The following ROBO1 variants were observed in gnomAD, a reference collection of about 807,000 sequenced individuals.
ROBO1 encodes the protein roundabout homolog 1.
Under a neutral mutation model 195.9 loss-of-function variants are expected in ROBO1, and 149 were observed. That is an observed-to-expected ratio of 0.76 (90% CI 0.67 to 0.87). The LOEUF (loss-of-function observed/expected upper bound fraction) is 0.87. Among genes scored for constraint, ROBO1 ranks in the 40% least tolerant of loss-of-function variants. The pLI is 0.00. For synonymous variants in ROBO1, 816 were observed against 733.2 expected, an observed-to-expected ratio of 1.11 and a Z score of -1.82; for missense variants, 1,933 against 2,068.3, an observed-to-expected ratio of 0.93 and a Z score of 1.27.
rs1327688005 is a variant in ROBO1 at position 79,372,592 on chromosome 3, CT to C, written c.88+217231del. Among the ~76,000 whole-genome samples the C allele has an allele frequency of 6.6e-5, 10 of 152,098 alleles. No individual in the cohort carries two copies. The South Asian group carries it at 1.5e-3, about 22-fold the overall frequency. ...TCTCTCTCTTTCTCTGCCTTCCCCC[CT>C]ACCCCTCAGAAAAATACATACACAC... On this transcript the variant is annotated intron_variant, in intron 2 of 30. Transcript: ENST00000464233.
chr3:79,215,784 G>C (rs2082046021), intron 2 of ROBO1, among the ~76,000 whole-genome samples: 1 of 152,130 alleles, frequency 6.6e-6, no homozygotes, highest in Admixed American at 6.6e-5. Flanking sequence ...CCCTTAAAGG[G>C]GGCTCAATTT....
intron 8 of ROBO1, among the ~76,000 whole-genome samples, chr3:78,711,354 C>T (rs11915381): frequency 0.36 from 23,210 of 63,594 alleles, 3,540 homozygotes; most frequent in East Asian, 0.42. Flanking sequence ...CTTCCTCCTT[C>T]CTTCCTTCCT....
intron 5 of ROBO1, among the ~76,000 whole-genome samples, chr3:78,743,602 A>T (rs550708812): frequency 2.9e-4 from 44 of 149,526 alleles, no homozygotes; most frequent in Non-Finnish European, 5.6e-4. Context: ...GCTATGCTAT[A>T]TGTGCTAAAA....
chr3:79,470,682 C>T (rs1938224804), intron 2 of ROBO1, among the ~76,000 whole-genome samples: 1 of 151,964 alleles, frequency 6.6e-6, no homozygotes, highest in Non-Finnish European at 1.5e-5. Context: ...GTGAATAAGT[C>T]TCAAGAGGTC....
intron 3 of ROBO1, among the ~76,000 whole-genome samples, chr3:79,106,879 T>C (rs1389884812): frequency 6.6e-6 from 1 of 151,700 alleles, no homozygotes; most frequent in Non-Finnish European, 1.5e-5. Context: ...AGTCACAAGC[T>C]ATAAATGTGT....
intron 4 of ROBO1, among the ~76,000 whole-genome samples, chr3:78,853,368 C>T (rs998300512): frequency 6.6e-6 from 1 of 150,910 alleles, no homozygotes; most frequent in Admixed American, 6.6e-5. Flanking sequence ...TGTATATATA[C>T]ATACAAATAT....
At position 78,627,748 on chromosome 3, in the gene ROBO1, T is replaced by G. The variant is rs188503302; in HGVS notation, c.3627-179A>C. On this transcript the variant is annotated intron_variant, in intron 25 of 30. Transcript: ENST00000464233. ...GGTTTGTGAATTACTGCATAAACTA[T>G]TTTTCTCTAAGGGATTGTAATTGAC... 2.8e-3 allele frequency among the ~76,000 whole-genome samples: 420 copies of G among 152,298 alleles called. 4 individuals are homozygous for G. The highest frequency in any genetic ancestry group is 9.5e-3 in the African/African-American group (396 of 41,562).
intron 8 of ROBO1, among the ~76,000 whole-genome samples, chr3:78,703,122 C>T (rs146110237): frequency 2.6e-5 from 4 of 152,142 alleles, no homozygotes; most frequent in Admixed American, 6.5e-5. Context: ...ATTCATCAGT[C>T]GTTAGGGTTA....
At chr3:79,571,076 G>A (rs984224851) in intron 2 of ROBO1, among the ~76,000 whole-genome samples, 1 of 152,092 alleles carries the variant, frequency 6.6e-6, no homozygotes, top group Non-Finnish European at 1.5e-5. Context: ...GCAGAGCTGG[G>A]TGATAATGGT....
intron 3 of ROBO1, among the ~76,000 whole-genome samples, chr3:79,011,363 A>G (rs2077771024): frequency 6.6e-6 from 1 of 152,226 alleles, no homozygotes; most frequent in Admixed American, 6.5e-5. Flanking sequence ...GTGAAAAAAG[A>G]AAATCACGTG....
At chr3:79,714,228 C>A (rs1421670964) in intron 1 of ROBO1, among the ~76,000 whole-genome samples, 2 of 151,886 alleles carry the variant, frequency 1.3e-5, no homozygotes, top group East Asian at 1.9e-4. Context: ...ATTTATGCAG[C>A]CAAAAAAACA....
chr3:79,502,601 G>C (rs917258878), intron 2 of ROBO1, among the ~76,000 whole-genome samples: 2 of 152,204 alleles, frequency 1.3e-5, no homozygotes, highest in African/African-American at 4.8e-5. Context: ...GGGCTGAGGA[G>C]TGCAGGCGCA....
At chr3:79,009,861 T>C (rs866668221) in intron 3 of ROBO1, among the ~76,000 whole-genome samples, 86 of 152,268 alleles carry the variant, frequency 5.6e-4, no homozygotes, top group Admixed American at 1.6e-3. Context: ...CTTACAGAAG[T>C]TGGATAACAG....
chr3:79,583,739 T>A (rs1943730986), intron 2 of ROBO1, among the ~76,000 whole-genome samples: 1 of 152,028 alleles, frequency 6.6e-6, no homozygotes, highest in Non-Finnish European at 1.5e-5. Context: ...AAATGATGTA[T>A]GAGAGTACTC....
At chr3:78,860,027 T>C (rs1195956769) in intron 4 of ROBO1, among the ~76,000 whole-genome samples, 16 of 149,946 alleles carry the variant, frequency 1.1e-4, no homozygotes, top group African/African-American at 2.2e-4. Context: ...TGCAGTGAGC[T>C]GAGATTGTGC....
chr3:79,487,867 T>G (rs1485035193), intron 2 of ROBO1, among the ~76,000 whole-genome samples: 8 of 152,182 alleles, frequency 5.3e-5, no homozygotes, highest in Non-Finnish European at 8.8e-5. Context: ...TATTTATATT[T>G]TTTCCCTAGA....
chr3:78,974,715 T>C (rs2076848173), intron 3 of ROBO1, among the ~76,000 whole-genome samples: 1 of 152,142 alleles, frequency 6.6e-6, no homozygotes, highest in Non-Finnish European at 1.5e-5. Flanking sequence ...TCTAATGGTT[T>C]TTCTATCCAA....
intron 2 of ROBO1, among the ~76,000 whole-genome samples, chr3:79,311,181 T>C (rs2033468467): frequency 6.6e-6 from 1 of 152,158 alleles, no homozygotes; most frequent in Admixed American, 6.5e-5. Flanking sequence ...TTGTGAGCAG[T>C]AGCTGAGGGA....
chr3:79,734,140 G>A (rs974970183), intron 1 of ROBO1, among the ~76,000 whole-genome samples: 2 of 151,934 alleles, frequency 1.3e-5, no homozygotes, highest in African/African-American at 4.8e-5. Context: ...TAGTGACGGG[G>A]TTTCACCATG....
Sources: gnomAD v4.1 joint callset for allele counts (sites outside exome capture counted in the v4.1 genomes callset) on GRCh38, gnomAD v4.1.1 for gene constraint, MANE v1.5 for transcripts, NCBI Gene and HGNC (gene_info 2026-07-23, HGNC 2026-07-21) for gene names.